The following CSMD1 variants were observed in gnomAD, a reference collection of about 807,000 sequenced individuals.
CSMD1 encodes CUB and sushi domain-containing protein 1.
CSMD1 carries 213 observed loss-of-function variants against 417.5 expected under a neutral mutation model. That is an observed-to-expected ratio of 0.51 (90% CI 0.46 to 0.57). The LOEUF is 0.57. Ranked by LOEUF, CSMD1 falls within the 20% of genes least tolerant of loss-of-function variation. The pLI is 0.00. For missense variants in CSMD1, 6,923 were observed against 4,529.7 expected (o/e 1.53, Z -15.17); for synonymous variants, 2,862 against 1,736.8 (o/e 1.65, Z -16.11).
intron 51 of CSMD1, among the ~76,000 whole-genome samples, chr8:3,022,851 T>C (rs1809553570): frequency 6.6e-6 from 1 of 152,102 alleles, no homozygotes; most frequent in South Asian, 2.1e-4. Context: ...GAGTCAGGAA[T>C]TGTTTTATTA....
At chr8:4,213,738 G>T (rs1320993480) in intron 3 of CSMD1, among the ~76,000 whole-genome samples, 1 of 152,202 alleles carries the variant, frequency 6.6e-6, no homozygotes, top group African/African-American at 2.4e-5. Context: ...GGGTGGGAAT[G>T]GGGTAGAACA....
chr8:4,127,869 C>T (rs1274389822), intron 3 of CSMD1, among the ~76,000 whole-genome samples: 1 of 152,172 alleles, frequency 6.6e-6, no homozygotes, highest in Non-Finnish European at 1.5e-5. Flanking sequence ...GAAACCCAGA[C>T]ACTGCCAGCA....
intron 3 of CSMD1, among the ~76,000 whole-genome samples, chr8:4,103,039 C>T (rs944910315): frequency 2.0e-5 from 3 of 152,132 alleles, no homozygotes; most frequent in Admixed American, 1.3e-4. Flanking sequence ...GTTGACTCAG[C>T]GGGTCAGAGA....
intron 1 of CSMD1, among the ~76,000 whole-genome samples, chr8:4,818,228 G>C (rs1322148805): frequency 6.6e-6 from 1 of 152,030 alleles, no homozygotes; most frequent in Non-Finnish European, 1.5e-5. Context: ...AAAATGTATA[G>C]CAATAGAAAA....
chr8:3,415,925 G>GATA (rs1813115703), intron 12 of CSMD1, among the ~76,000 whole-genome samples: 1 of 152,084 alleles, frequency 6.6e-6, no homozygotes, highest in African/African-American at 2.4e-5. Context: ...ATTTTGAGTT[G>GATA]CATATGATAT....
chr8:4,695,583 G>C (rs1807074868), intron 1 of CSMD1, among the ~76,000 whole-genome samples: 2 of 152,042 alleles, frequency 1.3e-5, no homozygotes, highest in South Asian at 4.1e-4. Context: ...TTTCTCATCT[G>C]TCCCCTATCC....
Position 4,749,857 on chromosome 8 carries a change from A to C in CSMD1, c.86-112299T>G, listed in dbSNP as rs538558401. On this transcript the variant is annotated intron_variant, in intron 1 of 69. Transcript: ENST00000635120. ...ATTTGGAAAGCCAGGGTGTGGATTT[A>C]CGGCAAAAAGAGAAATGCAACTTCA... Among the ~76,000 whole-genome samples, 29 of 152,272 alleles carry C rather than the reference A, an allele frequency of 1.9e-4. 1 individual carries two copies. In the South Asian group the frequency reaches 5.6e-3, roughly 29 times the overall value.
In CSMD1 at chr8:4,355,923, T is replaced by C. The variant is rs538909367; in HGVS notation, c.415+64030A>G. Among the ~76,000 whole-genome samples the C allele has an allele frequency of 4.0e-4, 61 of 151,970 alleles. No individual in the cohort carries two copies. The East Asian group carries it at 0.011, about 28-fold the overall frequency. Reference sequence around the variant, plus strand: ...GTCTCATGATTTGAATCAGCTGTTTTTTTGTTTTGTTTTGTTTGTAGAATT... The same window carrying C: ...GTCTCATGATTTGAATCAGCTGTTTCTTTGTTTTGTTTTGTTTGTAGAATT... On this transcript the variant is annotated intron_variant, in intron 3 of 69. Coordinates refer to ENST00000635120, the MANE Select transcript of CSMD1 (RefSeq NM_033225.6).
chr8:4,055,104 T>C (rs1003077492), intron 3 of CSMD1, among the ~76,000 whole-genome samples: 1 of 152,192 alleles, frequency 6.6e-6, no homozygotes, highest in African/African-American at 2.4e-5. Context: ...CACATTTTCT[T>C]TGAGCTTTGT....
At chr8:3,385,033 ATATATAATATATAAAT>A (rs1810907672) in intron 18 of CSMD1, among the ~76,000 whole-genome samples, 1 of 118,910 alleles carries the variant, frequency 8.4e-6, no homozygotes, top group Non-Finnish European at 1.6e-5. Flanking sequence ...TAAATATAAT[ATATATAATATATAAAT>A]ATATAATATA....
At chr8:4,481,722 A>T (rs1293091763) in intron 2 of CSMD1, among the ~76,000 whole-genome samples, 1 of 152,212 alleles carries the variant, frequency 6.6e-6, no homozygotes, top group African/African-American at 2.4e-5. Flanking sequence ...ATATTAGACT[A>T]CTTCTTTAAG....
intron 6 of CSMD1, among the ~76,000 whole-genome samples, chr8:3,744,416 T>C (rs1039413572): frequency 6.6e-6 from 1 of 152,214 alleles, no homozygotes; most frequent in Non-Finnish European, 1.5e-5. Flanking sequence ...TGAGGTTTTA[T>C]TCCATAGAAA....
intron 57 of CSMD1, among the ~76,000 whole-genome samples, chr8:2,967,948 G>C (rs1022192139): frequency 6.6e-6 from 1 of 152,078 alleles, no homozygotes. Context: ...TCCTGGTCCC[G>C]TGCCAATGGC....
chr8:4,732,355 G>GTT (rs1247884571), intron 1 of CSMD1, among the ~76,000 whole-genome samples: 1 of 146,940 alleles, frequency 6.8e-6, no homozygotes, highest in Non-Finnish European at 1.5e-5. Flanking sequence ...GTGTGTGTGT[G>GTT]TGTGTGTGTG....
At chr8:3,836,579 C>G (rs746228475) in intron 5 of CSMD1, among the ~76,000 whole-genome samples, 1 of 152,048 alleles carries the variant, frequency 6.6e-6, no homozygotes, top group African/African-American at 2.4e-5. Context: ...GAAGCTTGGT[C>G]TTTGAAGCAT....
intron 5 of CSMD1, among the ~76,000 whole-genome samples, chr8:3,992,723 G>C (rs1403595): frequency 0.014 from 2,208 of 152,334 alleles, 122 homozygotes; most frequent in Admixed American, 0.095. Flanking sequence ...TGAGGCTACA[G>C]TGAGCTATGA....
At chr8:2,991,252 C>A (rs1403115166) in intron 54 of CSMD1, among the ~76,000 whole-genome samples, 1 of 152,154 alleles carries the variant, frequency 6.6e-6, no homozygotes, top group Non-Finnish European at 1.5e-5. Context: ...CTTCTTAATA[C>A]ACATGGCACT....
At chr8:4,575,411 G>C in intron 2 of CSMD1, among the ~76,000 whole-genome samples, 1 of 152,158 alleles carries the variant, frequency 6.6e-6, no homozygotes, top group East Asian at 1.9e-4. Flanking sequence ...CTGGGTTGTA[G>C]AACCATTTCC....
chr8:4,443,509 AAC>A (rs1798604417), intron 2 of CSMD1, among the ~76,000 whole-genome samples: 1 of 152,210 alleles, frequency 6.6e-6, no homozygotes, highest in African/African-American at 2.4e-5. Flanking sequence ...CACATATATT[AAC>A]ACCAGAATAC....
Sources: gnomAD v4.1 joint callset for allele counts (sites outside exome capture counted in the v4.1 genomes callset) on GRCh38, gnomAD v4.1.1 for gene constraint, MANE v1.5 for transcripts, NCBI Gene and HGNC (gene_info 2026-07-23, HGNC 2026-07-21) for gene names.